Variants in RIMS3 observed in about 807,000 individuals in gnomAD.
RIMS3 encodes the protein regulating synaptic membrane exocytosis 3.
In RIMS3, 15 loss-of-function variants were observed where a neutral mutation model predicts 29.2. The observed-to-expected ratio is 0.51, with a 90% CI of 0.34 to 0.79. The LOEUF (loss-of-function observed/expected upper bound fraction) is 0.79. RIMS3 is among the 30% of genes least tolerant of loss of function. RIMS3 has a pLI of 0.01. For synonymous variants in RIMS3, 161 were observed against 170.1 expected, an observed-to-expected ratio of 0.95 and a Z score of 0.41; for missense variants, 342 against 421.4, an observed-to-expected ratio of 0.81 and a Z score of 1.65.
In RIMS3 at chr1:40,624,018, G is replaced by C. The variant is rs1646437608; in HGVS notation, c.*2499C>G. On this transcript the variant is annotated 3_prime_UTR_variant, in exon 8 of 8. Coordinates refer to ENST00000372684, the MANE Select transcript of RIMS3 (RefSeq NM_014747.3). ...ACTGCTGAGCAGTTTTGGCAGCCAG[G>C]GACTGTAGGTAGGTCAGCCCAAGTT... 1 of 152,344 alleles carries C rather than the reference G, an allele frequency of 6.6e-6. No individual in the cohort carries two copies. Among genetic ancestry groups the C allele is most frequent in the Non-Finnish European group, 1.5e-5 (1 of 68,196 alleles). The allele number at this position is 152,344 out of a possible 1,614,324, so 9.4% of individuals were successfully genotyped here. A position where few individuals can be genotyped will look rare whatever the true frequency, so the allele number is the denominator to read the frequency against.
rs1408984928 is a variant in RIMS3, at chr1:40,622,836, G to A, written c.*3681C>T. 1.3e-5 allele frequency: 2 copies of A among 152,744 alleles called. No individual in the cohort carries two copies. The highest frequency in any genetic ancestry group is 6.5e-5 in the Admixed American group (1 of 15,284). The allele number at this position is 152,744 out of a possible 1,614,324, so 9.5% of individuals were successfully genotyped here. A position where few individuals can be genotyped will look rare whatever the true frequency, so the allele number is the denominator to read the frequency against. On this transcript the variant is annotated 3_prime_UTR_variant, in exon 8 of 8. Transcript: ENST00000372684. Reference sequence around the variant, plus strand: ...GAGGGCTGGAACCCCAGGGGAAGAGGAGCTCAGCAACTCCTGGGCAGCAGG... The same window carrying A: ...GAGGGCTGGAACCCCAGGGGAAGAGAAGCTCAGCAACTCCTGGGCAGCAGG...
chr1:40,633,939 G>A lies in RIMS3; in HGVS notation c.360-758C>T, dbSNP rs115064533. Reference sequence around the variant, plus strand: ...AATTCATAGGGTTTTATATGTTGAGGATTAGGGCAAATGAAAAGTTCCAGA... The same window carrying A: ...AATTCATAGGGTTTTATATGTTGAGAATTAGGGCAAATGAAAAGTTCCAGA... On this transcript the variant is annotated intron_variant, in intron 4 of 7. Coordinates refer to ENST00000372684, the MANE Select transcript of RIMS3 (RefSeq NM_014747.3). Among the ~76,000 whole-genome samples, 396 of 152,332 alleles carry A rather than the reference G, an allele frequency of 2.6e-3. 3 individuals carry two copies. The highest frequency in any genetic ancestry group is 8.9e-3 in the African/African-American group (371 of 41,584).
Position 40,636,695 on chromosome 1 carries a change from C to T in RIMS3, c.218-638G>A, listed in dbSNP as rs1280483175. 6.6e-6 allele frequency among the ~76,000 whole-genome samples: 1 copy of T among 152,174 alleles called. No individual in the cohort carries two copies. Among genetic ancestry groups the T allele is most frequent in the Non-Finnish European group, 1.5e-5 (1 of 68,044 alleles). On this transcript the variant is annotated intron_variant, in intron 3 of 7. Transcript: ENST00000372684. This position sits in a 1 kb window ranked among gnomAD's most constrained non-coding sequence, Gnocchi z 4.2. ...AGACAGAGAGGGACTGCTGGGTTGA[C>T]CCAAATTGTCTTTGGCTTTGAGAAA...
Position 40,636,991 on chromosome 1 carries a change from C to A in RIMS3, c.218-934G>T, listed in dbSNP as rs563171229. 1.0e-3 allele frequency among the ~76,000 whole-genome samples: 157 copies of A among 152,324 alleles called. No individual in the cohort carries two copies. The highest frequency in any genetic ancestry group is 3.6e-3 in the African/African-American group (149 of 41,572). ...TGAGGGTTTGCAGGGACTTCCCCCG[C>A]TGAAGCTTGGCAGCTGGAGGAACTT... is the stretch of plus-strand genomic sequence containing the variant. On this transcript the variant is annotated intron_variant, in intron 3 of 7. Transcript: ENST00000372684. The surrounding 1 kb of genome is among the most constrained non-coding windows in gnomAD (Gnocchi z 4.2).
the RIMS3 span, among the ~76,000 whole-genome samples, chr1:40,674,642 T>G: frequency 6.6e-6 from 1 of 151,916 alleles, no homozygotes; most frequent in African/African-American, 2.4e-5. Context: ...ATTGAGGGAG[T>G]GGGTTCCTGA....
At chr1:40,668,211 A>G (rs1437272946), upstream of RIMS3, among the ~76,000 whole-genome samples, 1 of 146,932 alleles carries the variant, frequency 6.8e-6, no homozygotes, top group East Asian at 2.0e-4. Context: ...AGATCGCACC[A>G]CTGCACTCCA....
chr1:40,691,544 C>T, the RIMS3 span: 1 of 299,696 alleles, frequency 3.3e-6, no homozygotes, highest in Non-Finnish European at 6.6e-6. Flanking sequence ...CTCGAGCTCC[C>T]GAAAGGGGGC....
the RIMS3 span, among the ~76,000 whole-genome samples, chr1:40,671,172 G>A: frequency 6.6e-6 from 1 of 152,174 alleles, no homozygotes. Context: ...GTAGGAGGTA[G>A]GTGGTCCCTA....
the RIMS3 span, among the ~76,000 whole-genome samples, chr1:40,671,088 G>A: frequency 1.3e-5 from 2 of 152,144 alleles, no homozygotes; most frequent in African/African-American, 2.4e-5. Context: ...GGGAGGCAGA[G>A]GGAAATTGGA....
chr1:40,657,665 T>C (rs1642290001), intron 1 of RIMS3, among the ~76,000 whole-genome samples: 1 of 149,086 alleles, frequency 6.7e-6, no homozygotes, highest in East Asian at 2.0e-4. Flanking sequence ...GAGGATTACC[T>C]GAGCCCAGGA....
the RIMS3 span, among the ~76,000 whole-genome samples, chr1:40,688,127 G>A: frequency 6.6e-6 from 1 of 152,076 alleles, no homozygotes; most frequent in Non-Finnish European, 1.5e-5. Context: ...ACCATGCCCG[G>A]CTAATTTTTG....
intron 3 of RIMS3, among the ~76,000 whole-genome samples, chr1:40,639,322 C>T (rs979113453): frequency 1.3e-5 from 2 of 152,210 alleles, no homozygotes; most frequent in East Asian, 1.9e-4. Context: ...GCACCAGATG[C>T]TCCCACCCAT....
At chr1:40,664,671 T>A (rs941044783) in intron 1 of RIMS3, among the ~76,000 whole-genome samples, 3 of 152,066 alleles carry the variant, frequency 2.0e-5, no homozygotes, top group African/African-American at 7.2e-5. Flanking sequence ...TCCTGAGCCT[T>A]CAGGACCAGG....
chr1:40,663,203 G>A (rs570345579), intron 1 of RIMS3, among the ~76,000 whole-genome samples: 4 of 152,278 alleles, frequency 2.6e-5, no homozygotes, highest in African/African-American at 7.2e-5. Context: ...TACAGGAGAC[G>A]CACCCTGCAC....
intron 5 of RIMS3, among the ~76,000 whole-genome samples, chr1:40,632,540 T>C (rs950572887): frequency 1.8e-4 from 27 of 149,422 alleles, no homozygotes; most frequent in Admixed American, 2.0e-4. Flanking sequence ...CCTAACACAA[T>C]GCCTACATAT....
intron 1 of RIMS3, among the ~76,000 whole-genome samples, chr1:40,661,190 T>C (rs898316522): frequency 6.6e-5 from 10 of 152,130 alleles, no homozygotes; most frequent in African/African-American, 2.4e-4. Context: ...TCCTCATCTA[T>C]ACCACAGAGA....
intron 6 of RIMS3, 101 bp from the exon 7 acceptor site, chr1:40,629,050 T>A (rs1646471756): frequency 6.7e-7 from 1 of 1,482,072 alleles, no homozygotes; most frequent in African/African-American, 1.4e-5. Flanking sequence ...GAGCAGGATG[T>A]GTGGAATGAG....
chr1:40,672,194 A>ATTTTTT, the RIMS3 span, among the ~76,000 whole-genome samples: 5 of 106,986 alleles, frequency 4.7e-5, no homozygotes, highest in African/African-American at 7.0e-5. Flanking sequence ...TAGCTAGATG[A>ATTTTTT]TTTTTTTTTT....
chr1:40,656,783 C>CA (rs57983058), intron 1 of RIMS3, among the ~76,000 whole-genome samples: 4,550 of 73,076 alleles, frequency 0.062, 167 homozygotes, highest in African/African-American at 0.11. Flanking sequence ...AACTCCGTCT[C>CA]AAAAAAAAAA....
Sources: allele counts gnomAD v4.1 joint callset (sites outside exome capture counted in the v4.1 genomes callset), GRCh38; gene constraint gnomAD v4.1.1; non-coding constraint Gnocchi (gnomAD v3.1); transcripts MANE v1.5; gene names NCBI Gene and HGNC (gene_info 2026-07-23, HGNC 2026-07-21).